The following SPTBN4 variants were observed in gnomAD, a reference collection of about 807,000 sequenced individuals.
SPTBN4 encodes spectrin beta chain, non-erythrocytic 4.
Under a neutral mutation model 277.8 loss-of-function variants are expected in SPTBN4, and 96 were observed. The observed-to-expected ratio is 0.35, with a 90% CI of 0.29 to 0.41. SPTBN4 has a LOEUF of 0.41. Among genes scored for constraint, SPTBN4 ranks in the 10% least tolerant of loss-of-function variants. The pLI, the probability that SPTBN4 is intolerant of heterozygous loss-of-function variation, is 1.00. For synonymous variants in SPTBN4, 1,481 were observed against 1,580.3 expected (o/e 0.94, Z 1.49); for missense variants, 3,006 against 3,595.7 (o/e 0.84, Z 4.19).
intron 33 of SPTBN4, 126 bp from the exon 34 acceptor site, chr19:40,571,893 G>A: frequency 1.8e-6 from 2 of 1,129,422 alleles, no homozygotes; most frequent in Middle Eastern, 5.4e-4. Flanking sequence ...TCCAACTAGG[G>A]CGCAACTAGG....
chr19:40,554,840 G>T lies in SPTBN4; in HGVS notation c.5084+194G>T, dbSNP rs1034249746. 2.4e-5 allele frequency: 18 copies of T among 761,026 alleles called. No individual in the cohort carries two copies. Among genetic ancestry groups the T allele is most frequent in the Non-Finnish European group, 3.7e-5 (18 of 481,964 alleles). 47.1% of individuals were successfully genotyped at this position (761,026 alleles called of 1,614,324 possible). On this transcript the variant is annotated intron_variant, in intron 24 of 35. Transcript: ENST00000598249. The surrounding 1 kb of genome is among the most constrained non-coding windows in gnomAD (Gnocchi z 5.7). The stretch of plus-strand genomic sequence containing the variant: ...GCTCAGGGATGGTTGAGAGGGTGGG[G>T]CCAGGAGCACCTGGATTTGAGTGTA...
At chr19:40,556,063 C>T in intron 24 of SPTBN4, 21 bp from the exon 25 acceptor site, 1 of 1,600,568 alleles carries the variant, frequency 6.2e-7, no homozygotes, top group South Asian at 1.1e-5. Context: ...TCCATCCCTG[C>T]CCCTCCATGT....
intron 2 of SPTBN4, among the ~76,000 whole-genome samples, chr19:40,478,022 A>G (rs1472246885): frequency 1.3e-5 from 2 of 152,006 alleles, no homozygotes; most frequent in African/African-American, 4.8e-5. Flanking sequence ...TATTTTTAGT[A>G]GAGATGGGGG....
intron 33 of SPTBN4, chr19:40,571,609 G>A (rs1016484830): frequency 1.9e-5 from 3 of 160,974 alleles, no homozygotes; most frequent in African/African-American, 7.2e-5. Context: ...CTTTGGGAGG[G>A]ATTCCTCCAG....
At position 40,554,456 on chromosome 19, in the gene SPTBN4, G is replaced by A; in HGVS notation, c.4953+31G>A. On this transcript the variant is annotated intron_variant, in intron 23 of 35. Coordinates refer to ENST00000598249, the MANE Select transcript of SPTBN4 (RefSeq NM_020971.3). This position sits in a 1 kb window ranked among gnomAD's most constrained non-coding sequence, Gnocchi z 5.7. Reference sequence around the variant, plus strand: ...CCCGAGCTGGGGGTGCGGAGGGCCTGGGGGCGCTGGAGCCGGGGGCCGCCG... The same window carrying A: ...CCCGAGCTGGGGGTGCGGAGGGCCTAGGGGCGCTGGAGCCGGGGGCCGCCG... The A allele has an allele frequency of 1.3e-6, 2 of 1,511,900 alleles. No homozygotes were observed. The highest frequency in any genetic ancestry group is 1.8e-6 in the Non-Finnish European group (2 of 1,126,794). The allele number at this position is 1,511,900 out of a possible 1,614,324, so 93.7% of individuals were successfully genotyped here. A position where few individuals can be genotyped will look rare whatever the true frequency, so the allele number is the denominator to read the frequency against.
intron 2 of SPTBN4, among the ~76,000 whole-genome samples, chr19:40,475,749 A>G (rs1000258933): frequency 2.2e-4 from 32 of 148,834 alleles, no homozygotes; most frequent in Non-Finnish European, 1.8e-4. Context: ...GGCATGAGCC[A>G]TGGCGCTGGC....
chr19:40,502,838 C>T lies in SPTBN4; in HGVS notation c.1267C>T (p.Arg423Trp), dbSNP rs1444819723. The change falls in exon 11 of 36, where the codon CGG becomes TGG. Residue 423 changes from arginine to tryptophan, a missense_variant. Coordinates refer to ENST00000598249, the MANE Select transcript of SPTBN4 (RefSeq NM_020971.3). The surrounding 1 kb of genome is among the most constrained non-coding windows in gnomAD (Gnocchi z 4.9). ...GGCTGCCCTACGGGCTGAGCTGATT[C>T]GGCAGGAGAAGCTGGAACTACTGGC... ...REAALRAELIRQEKLELLAQR... is the reference protein window; with the variant it reads ...REAALRAELIWQEKLELLAQR... The T allele has an allele frequency of 4.3e-6, 7 of 1,613,710 alleles. No individual in the cohort carries two copies. The highest frequency in any genetic ancestry group is 1.1e-5 in the South Asian group (1 of 91,080).
chr19:40,571,966 G>A, intron 33 of SPTBN4, 53 bp from the exon 34 acceptor site: 1 of 1,497,344 alleles, frequency 6.7e-7, no homozygotes, highest in Non-Finnish European at 8.9e-7. Context: ...TTAATGAAGA[G>A]TTATTAGGCA....
At chr19:40,494,676 C>G (rs2145835161) in intron 5 of SPTBN4, among the ~76,000 whole-genome samples, 1 of 151,962 alleles carries the variant, frequency 6.6e-6, no homozygotes, top group East Asian at 1.9e-4. Context: ...CTACCTATCT[C>G]TCTCTCTACT....
Position 40,566,147 on chromosome 19 carries a change from G to A in SPTBN4, c.6140-16G>A. On this transcript the variant is annotated splice_polypyrimidine_tract_variant and intron_variant, in intron 29 of 35. Transcript: ENST00000598249. ...CCAGATGCCCCAGAATCCTTACCCTGCATGCCCCTCCTCAGTGCTGGAGGT... is the reference window on the plus strand; with the variant it reads ...CCAGATGCCCCAGAATCCTTACCCTACATGCCCCTCCTCAGTGCTGGAGGT... 1 of 1,486,770 alleles carries A rather than the reference G, an allele frequency of 6.7e-7. No individual in the cohort carries two copies. Among genetic ancestry groups the A allele is most frequent in the Non-Finnish European group, 9.0e-7 (1 of 1,112,656 alleles). The allele number at this position is 1,486,770 out of a possible 1,614,324, so 92.1% of individuals were successfully genotyped here.
chr19:40,470,461 CAT>C (rs1246275340), intron 1 of SPTBN4, among the ~76,000 whole-genome samples: 1 of 152,004 alleles, frequency 6.6e-6, no homozygotes, highest in South Asian at 2.1e-4. Flanking sequence ...CATGCACTAC[CAT>C]GCCCAGCTCA....
chr19:40,468,036 T>C (rs1277232403), intron 1 of SPTBN4, among the ~76,000 whole-genome samples: 1 of 151,976 alleles, frequency 6.6e-6, no homozygotes, highest in East Asian at 1.9e-4. Flanking sequence ...CATTAATAAC[T>C]TACCTCTTCA....
At chr19:40,559,879 C>T (rs1391322284) in intron 26 of SPTBN4, among the ~76,000 whole-genome samples, 2 of 152,150 alleles carry the variant, frequency 1.3e-5, no homozygotes, top group Non-Finnish European at 2.9e-5. Context: ...TAGGGGTGGG[C>T]CTGCCTGAAA....
At chr19:40,522,958 C>A (rs1412857631) in intron 16 of SPTBN4, among the ~76,000 whole-genome samples, 1 of 151,898 alleles carries the variant, frequency 6.6e-6, no homozygotes, top group Non-Finnish European at 1.5e-5. Context: ...ATGGTGAAAC[C>A]CCGTCTCTAC....
rs2080475430 is a variant in SPTBN4, at chr19:40,517,608, C to T, written c.2904-1793C>T. Among the ~76,000 whole-genome samples the T allele has an allele frequency of 3.3e-5, 5 of 152,142 alleles. 1 individual carries two copies. In the South Asian group the frequency reaches 1.0e-3, roughly 32 times the overall value. ...CTCTGCCCCACCCAAAGACTACGCT[C>T]TTGACTCTGTGCTGCAAGATTCCAA... is the stretch of plus-strand genomic sequence containing the variant. On this transcript the variant is annotated intron_variant, in intron 15 of 35. Coordinates refer to ENST00000598249, the MANE Select transcript of SPTBN4 (RefSeq NM_020971.3).
chr19:40,565,486 G>C lies in SPTBN4; in HGVS notation c.5979G>C (p.Ala1993=), dbSNP rs750159627. The change falls in exon 28 of 36, where the codon GCG becomes GCC. Residue 1993 remains alanine (A), a synonymous_variant. Transcript: ENST00000598249. ...AGGGCCTGAAGACTGAGCTGGAGGC[G>C]CGGGTGCCTGAGCTGACCACCTGCC... is the stretch of plus-strand genomic sequence containing the variant. The part of the protein sequence containing the change: ...YHQGLKTELE[A]RVPELTTCQE... 4 of 1,614,132 alleles carry C rather than the reference G, an allele frequency of 2.5e-6. No homozygotes were observed. The East Asian group carries it at 8.9e-5, about 36-fold the overall frequency.
In SPTBN4 at chr19:40,575,847, G is replaced by A; in HGVS notation, c.*278G>A. ...TATGCAATAACTGAGCTTGATGGGG[G>A]TGGGCAGGGGGCCAGTTGAGCCAAG... On this transcript the variant is annotated 3_prime_UTR_variant, in exon 36 of 36. Coordinates refer to ENST00000598249, the MANE Select transcript of SPTBN4 (RefSeq NM_020971.3). 3.5e-6 allele frequency: 1 copy of A among 286,340 alleles called. No individual in the cohort carries two copies. The highest frequency in any genetic ancestry group is 6.6e-6 in the Non-Finnish European group (1 of 151,506). 17.7% of individuals were successfully genotyped at this position (286,340 alleles called of 1,614,324 possible).
Position 40,554,212 on chromosome 19 carries a change from G to T in SPTBN4, c.4740G>T (p.Ala1580=). 1 of 1,486,496 alleles carries T rather than the reference G, an allele frequency of 6.7e-7. No homozygotes were observed. The highest frequency in any genetic ancestry group is 8.8e-7 in the Non-Finnish European group (1 of 1,130,302). 92.1% of individuals were successfully genotyped at this position (1,486,496 alleles called of 1,614,324 possible). The change falls in exon 23 of 36, where the codon GCG becomes GCT. Residue 1580 remains alanine, a synonymous_variant. Transcript: ENST00000598249. This position sits in a 1 kb window ranked among gnomAD's most constrained non-coding sequence, Gnocchi z 5.7. The part of the protein sequence containing the change: ...RLEEVLERAG[A]LASLRSPEAE... The stretch of plus-strand genomic sequence containing the variant: ...AGGAGGTGCTGGAGCGCGCGGGCGC[G>T]CTGGCGTCGCTGCGCAGCCCGGAGG...
intron 20 of SPTBN4, among the ~76,000 whole-genome samples, chr19:40,536,405 G>T (rs1331809779): frequency 6.6e-6 from 1 of 152,052 alleles, no homozygotes; most frequent in African/African-American, 2.4e-5. Flanking sequence ...GTAGAGATGG[G>T]GTTTCACCAT....
Sources: allele counts gnomAD v4.1 joint callset (sites outside exome capture counted in the v4.1 genomes callset), GRCh38; gene constraint gnomAD v4.1.1; non-coding constraint Gnocchi (gnomAD v3.1); transcripts MANE v1.5; gene names NCBI Gene and HGNC (gene_info 2026-07-23, HGNC 2026-07-21).